ATP11C: variants seen among roughly 807,000 people sequenced by gnomAD.
ATP11C encodes ATPase phospholipid transporting 11C (ATP11C blood group), also known as phospholipid-transporting ATPase IG.
Under a neutral mutation model 97.4 loss-of-function variants are expected in ATP11C, and 36 were observed. That is an observed-to-expected ratio of 0.37 (90% confidence interval 0.28 to 0.49). The LOEUF (loss-of-function observed/expected upper bound fraction) is 0.49. Among genes scored for constraint, ATP11C ranks in the 20% least tolerant of loss-of-function variants. The pLI, the probability that ATP11C is intolerant of heterozygous loss-of-function variation, is 0.98. For synonymous variants in ATP11C, 275 were observed against 290.9 expected, an observed-to-expected ratio of 0.95 and a Z score of 0.56; for missense variants, 730 against 824.6, an observed-to-expected ratio of 0.89 and a Z score of 1.40.
In ATP11C at chrX:139,728,857, T is replaced by A. The variant is rs189826210; in HGVS notation, c.*109A>T. ...TTAGTGTGTTGCGTATCAAGTATCC[T>A]GAGATGATAACTTTTTGTAGTTGTT... On this transcript the variant is annotated 3_prime_UTR_variant, in exon 30 of 30. Coordinates refer to ENST00000682941, the MANE Select transcript of ATP11C (RefSeq NM_001353812.2). The A allele has an allele frequency of 3.7e-6, 4 of 1,072,106 alleles. No homozygotes were observed. The South Asian group carries it at 7.7e-5, about 21-fold the overall frequency. The allele number at this position is 1,072,106 out of a possible 1,213,427, so 88.4% of individuals were successfully genotyped here.
chrX:139,795,128 T>C (rs1055920244), intron 12 of ATP11C, among the ~76,000 whole-genome samples: 10 of 111,988 alleles, frequency 8.9e-5, no homozygotes, highest in African/African-American at 1.6e-4. Context: ...GCAGCCCACA[T>C]TGTCAACAAA....
At chrX:139,891,197 C>CAAAAAAAAAAAAA (rs35280856) in intron 1 of ATP11C, among the ~76,000 whole-genome samples, 2 of 35,490 alleles carry the variant, frequency 5.6e-5, no homozygotes, top group Non-Finnish European at 1.0e-4. Context: ...AGAGATTGGC[C>CAAAAAAAAAAAAA]AAAAAAAAAA....
Position 139,814,947 on chromosome X carries a change from T to A in ATP11C, c.357A>T (p.Glu119Asp), listed in dbSNP as rs1337436321. The A allele has an allele frequency of 4.2e-5, 49 of 1,176,063 alleles. No individual in the cohort carries two copies. In the Admixed American group the frequency reaches 8.0e-4, roughly 19 times the overall value. The change falls in exon 5 of 30, where the codon GAA (glutamate) becomes GAT (aspartate). Residue 119 changes from glutamate (E) to aspartate (D), a missense_variant. Coordinates refer to ENST00000682941, the MANE Select transcript of ATP11C (RefSeq NM_001353812.2). ...EDCLRHRADN[E>D]VNKSTVYIIE... ...TAATGTAAACAGTGCTTTTGTTGAC[T>A]TCATTGTCAGCTCTGTGTCTCAGAC...
At chrX:139,797,465 T>C (rs2082825689) in intron 10 of ATP11C, 139 bp from the exon 11 acceptor site, 3 of 424,450 alleles carry the variant, frequency 7.1e-6, no homozygotes, top group East Asian at 4.4e-5. Flanking sequence ...TCAGTTATCA[T>C]AGCTGCAGCA....
At chrX:139,929,106 G>C (rs2085395445) in intron 1 of ATP11C, among the ~76,000 whole-genome samples, 1 of 111,952 alleles carries the variant, frequency 8.9e-6, no homozygotes, top group East Asian at 2.8e-4. Flanking sequence ...ATATGCCTTT[G>C]AAGAAAATAA....
At chrX:139,746,150 C>G (rs1307387100) in intron 24 of ATP11C, among the ~76,000 whole-genome samples, 1 of 111,675 alleles carries the variant, frequency 9.0e-6, no homozygotes, top group East Asian at 2.8e-4. Context: ...ATACCAGGAA[C>G]TGGGTTCACA....
intron 1 of ATP11C, among the ~76,000 whole-genome samples, chrX:139,895,784 A>C (rs1259211816): frequency 9.0e-6 from 1 of 111,709 alleles, no homozygotes; most frequent in Non-Finnish European, 1.9e-5. Context: ...TTTTCTAGTG[A>C]TAAATCAAAC....
intron 2 of ATP11C, among the ~76,000 whole-genome samples, chrX:139,825,332 T>C (rs1256248509): frequency 8.9e-6 from 1 of 111,749 alleles, no homozygotes; most frequent in Non-Finnish European, 1.9e-5. Context: ...TAAATTTCTC[T>C]GGCCTTAACC....
In ATP11C at chrX:139,788,186, C is replaced by T. The variant is rs769973258; in HGVS notation, c.1520+6G>A. 5 of 1,193,260 alleles carry T rather than the reference C, an allele frequency of 4.2e-6. No individual in the cohort carries two copies. Among genetic ancestry groups the T allele is most frequent in the South Asian group, 1.8e-5 (1 of 54,083 alleles). ...CTTAGGAGAAGTATAAGAAAGTATA[C>T]TTTACCTTTTAGCTCCTTTCACCAA... On this transcript the variant is annotated splice_donor_region_variant and intron_variant, in intron 14 of 29. Coordinates refer to ENST00000682941, the MANE Select transcript of ATP11C (RefSeq NM_001353812.2).
At chrX:139,742,962 C>T (rs998002419) in intron 26 of ATP11C, among the ~76,000 whole-genome samples, 10 of 103,004 alleles carry the variant, frequency 9.7e-5, no homozygotes, top group African/African-American at 3.2e-4. Flanking sequence ...TCTTGAACTC[C>T]TGGGCTCAAG....
At chrX:139,913,734 T>A (rs994949643) in intron 1 of ATP11C, among the ~76,000 whole-genome samples, 3 of 110,898 alleles carry the variant, frequency 2.7e-5, no homozygotes, top group African/African-American at 9.8e-5. Flanking sequence ...CACCCCTATC[T>A]CCCTTCGTTG....
chrX:139,875,434 A>G (rs1017008923), intron 1 of ATP11C, among the ~76,000 whole-genome samples: 6 of 107,812 alleles, frequency 5.6e-5, no homozygotes, highest in East Asian at 2.9e-4. Context: ...AAAAAAAAAA[A>G]AAAGAAAAAA....
At chrX:139,835,466 G>A (rs1039046614) in intron 1 of ATP11C, among the ~76,000 whole-genome samples, 2 of 110,780 alleles carry the variant, frequency 1.8e-5, no homozygotes, top group Non-Finnish European at 3.8e-5. Flanking sequence ...CTGCAATGGT[G>A]TGATCTCGGC....
intron 1 of ATP11C, among the ~76,000 whole-genome samples, chrX:139,837,886 C>T (rs1050910516): frequency 8.9e-6 from 1 of 111,734 alleles, no homozygotes; most frequent in Admixed American, 9.5e-5. Context: ...ACAACTATTC[C>T]CTGCATGCTG....
At chrX:139,899,153 TAGCCAAGAAG>T (rs905511408) in intron 1 of ATP11C, among the ~76,000 whole-genome samples, 4 of 111,206 alleles carry the variant, frequency 3.6e-5, no homozygotes, top group African/African-American at 1.3e-4. Flanking sequence ...GAAACTGTCA[TAGCCAAGAAG>T]AGCCTGAGGA....
At chrX:139,737,444 C>G (rs181180459) in intron 28 of ATP11C, among the ~76,000 whole-genome samples, 13 of 110,301 alleles carry the variant, frequency 1.2e-4, no homozygotes, top group South Asian at 3.9e-4. Flanking sequence ...GCTGGACAGA[C>G]AGGGCTAGAA....
chrX:139,888,721 G>A (rs1406119565), intron 1 of ATP11C, among the ~76,000 whole-genome samples: 2 of 110,362 alleles, frequency 1.8e-5, no homozygotes, highest in African/African-American at 3.3e-5. Flanking sequence ...ATACTACCCA[G>A]TATGAAAATG....
At position 139,789,437 on chromosome X, in the gene ATP11C, C is replaced by T; in HGVS notation, c.1258G>A (p.Glu420Lys). 8.3e-7 allele frequency: 1 copy of T among 1,203,119 alleles called. No individual in the cohort carries two copies. Residue 420 changes from glutamate to lysine, a missense_variant, in exon 13 of 30, where the codon GAA becomes AAA. Coordinates refer to ENST00000682941, the MANE Select transcript of ATP11C (RefSeq NM_001353812.2). Reference sequence around the variant, plus strand: ...CCATCTATGCAGCATTCAATGAATTCCATGCTGTTTTCAGTGAGTGTTCCA... The same window carrying T: ...CCATCTATGCAGCATTCAATGAATTTCATGCTGTTTTCAGTGAGTGTTCCA... Reference protein sequence around the residue: ...KTGTLTENSMEFIECCIDGHK... With the variant: ...KTGTLTENSMKFIECCIDGHK...
intron 1 of ATP11C, among the ~76,000 whole-genome samples, chrX:139,854,273 A>T (rs1185216329): frequency 8.9e-6 from 1 of 112,722 alleles, no homozygotes; most frequent in Non-Finnish European, 1.9e-5. Flanking sequence ...TATTAACAGC[A>T]AAGGATAATT....
Sources: allele counts gnomAD v4.1 joint callset (sites outside exome capture counted in the v4.1 genomes callset), GRCh38; gene constraint gnomAD v4.1.1; transcripts MANE v1.5; gene names NCBI Gene and HGNC (gene_info 2026-07-23, HGNC 2026-07-21).